AKAP6: variants seen among roughly 807,000 people sequenced by gnomAD.
AKAP6 encodes the protein A-kinase anchor protein 6.
AKAP6 carries 58 observed loss-of-function variants against 188.5 expected under a neutral mutation model. The observed-to-expected ratio is 0.31, with a 90% CI of 0.25 to 0.38. The LOEUF is 0.38. AKAP6 is among the 10% of genes least tolerant of loss of function. The pLI, the probability that AKAP6 is intolerant of heterozygous loss-of-function variation, is 1.00. For missense variants in AKAP6, 2,710 were observed against 2,740.0 expected (o/e 0.99, Z 0.24); for synonymous variants, 989 against 998.6 (o/e 0.99, Z 0.18).
At chr14:32,825,712 A>G (rs2034656336) in intron 13 of AKAP6, among the ~76,000 whole-genome samples, 1 of 152,190 alleles carries the variant, frequency 6.6e-6, no homozygotes, top group South Asian at 2.1e-4. Flanking sequence ...AGAAAATTTG[A>G]GCTTTCAAAT....
At chr14:32,338,738 C>G (rs1382850988) in intron 1 of AKAP6, among the ~76,000 whole-genome samples, 2 of 152,056 alleles carry the variant, frequency 1.3e-5, no homozygotes, top group African/African-American at 4.8e-5. Flanking sequence ...GTTCTTAGAG[C>G]CTCATTTTTC....
At chr14:32,738,857 C>T (rs2300836) in intron 11 of AKAP6, among the ~76,000 whole-genome samples, 57,121 of 151,978 alleles carry the variant, frequency 0.38, 10,924 homozygotes, top group Middle Eastern at 0.43. Context: ...AGTGCAAAAG[C>T]AGCCACAGAC....
chr14:32,518,262 A>T (rs1468455681), intron 2 of AKAP6, among the ~76,000 whole-genome samples: 1 of 152,214 alleles, frequency 6.6e-6, no homozygotes, highest in Admixed American at 6.5e-5. Context: ...AGAAAAGCTG[A>T]AAATTCTAAA....
chr14:32,672,344 C>A (rs906780666), intron 7 of AKAP6, among the ~76,000 whole-genome samples: 1 of 152,188 alleles, frequency 6.6e-6, no homozygotes, highest in Non-Finnish European at 1.5e-5. Context: ...GCTGCCATAA[C>A]AAAATACCAC....
At position 32,546,393 on chromosome 14, in the gene AKAP6, G is replaced by T; in HGVS notation, c.1740G>T (p.Gln580His). The T allele has an allele frequency of 6.2e-7, 1 of 1,614,178 alleles. No individual in the cohort carries two copies. Among genetic ancestry groups the T allele is most frequent in the East Asian group, 2.2e-5 (1 of 44,882 alleles). ...SETSSSPAFT[Q>H]SSESSVGSDN... ...CATCCAGTTCACCAGCTTTTACTCA[G>T]AGCAGTGAATCCTCTGTTGGCTCAG... The change falls in exon 4 of 14, where the codon CAG becomes CAT. Residue 580 changes from glutamine to histidine, a missense_variant. Coordinates refer to ENST00000280979, the MANE Select transcript of AKAP6 (RefSeq NM_004274.5).
At chr14:32,475,805 GT>G (rs1223303942) in intron 2 of AKAP6, among the ~76,000 whole-genome samples, 3 of 150,690 alleles carry the variant, frequency 2.0e-5, no homozygotes, top group African/African-American at 7.3e-5. Context: ...AGCCTCCCAA[GT>G]AGCTGGGACT....
intron 7 of AKAP6, among the ~76,000 whole-genome samples, chr14:32,601,356 A>G (rs1885921344): frequency 6.6e-6 from 1 of 152,176 alleles, no homozygotes; most frequent in Admixed American, 6.6e-5. Context: ...CCATAATGGT[A>G]CAAGCACCGA....
At chr14:32,812,281 T>C (rs1418483129) in intron 12 of AKAP6, among the ~76,000 whole-genome samples, 2 of 152,254 alleles carry the variant, frequency 1.3e-5, no homozygotes, top group African/African-American at 4.8e-5. Flanking sequence ...TACAACTTCA[T>C]TGATGTTATT....
intron 8 of AKAP6, among the ~76,000 whole-genome samples, chr14:32,695,734 G>A (rs1271782443): frequency 2.0e-5 from 3 of 152,128 alleles, no homozygotes; most frequent in African/African-American, 7.2e-5. Context: ...GAAAGGGTTA[G>A]CAAATGGAAA....
rs149559810 is a variant in AKAP6, at chr14:32,640,559, G to A, written c.2731-37752G>A. On this transcript the variant is annotated intron_variant, in intron 7 of 13. Transcript: ENST00000280979. ...ATGTCTATGTAAATAAAATGCAAAT[G>A]TAAACACCTGTTGTAATCAATTCTT... Among the ~76,000 whole-genome samples, 784 of 152,204 alleles carry A rather than the reference G, an allele frequency of 5.2e-3. 10 individuals are homozygous for A. The highest frequency in any genetic ancestry group is 0.017 in the African/African-American group (722 of 41,546).
Position 32,545,714 on chromosome 14 carries a change from A to G in AKAP6, c.1061A>G (p.His354Arg), listed in dbSNP as rs1276437871. 6.2e-6 allele frequency: 10 copies of G among 1,614,080 alleles called. No homozygotes were observed. Among genetic ancestry groups the G allele is most frequent in the Non-Finnish European group, 8.5e-6 (10 of 1,180,038 alleles). Residue 354 changes from histidine (H) to arginine (R), a missense_variant, in exon 4 of 14, where the codon CAT (histidine) becomes CGT (arginine). Around this residue, in one of 2 missense-constraint regions of AKAP6, gnomAD observed 2,473 missense variants for 2,426.1 expected, o/e 1.02. Transcript: ENST00000280979. ...CAAGAATCCAGTTCCTCCTCCCATC[A>G]TGATGCAAAGAATCAGCAGCCTGTT... ...VQQESSSSSH[H>R]DAKNQQPVPC...
At chr14:32,395,718 TC>T (rs1445101063) in intron 1 of AKAP6, among the ~76,000 whole-genome samples, 1 of 152,224 alleles carries the variant, frequency 6.6e-6, no homozygotes, top group African/African-American at 2.4e-5. Context: ...CCCCTATTTA[TC>T]CCTCAAAACT....
chr14:32,347,789 T>C (rs1327140534), intron 1 of AKAP6, among the ~76,000 whole-genome samples: 1 of 152,194 alleles, frequency 6.6e-6, no homozygotes, highest in East Asian at 1.9e-4. Context: ...AAGCCTAAAG[T>C]TTAATTAATA....
intron 2 of AKAP6, among the ~76,000 whole-genome samples, chr14:32,465,045 C>T (rs929891796): frequency 6.6e-6 from 1 of 152,068 alleles, no homozygotes; most frequent in African/African-American, 2.4e-5. Flanking sequence ...ATGCGAAGGA[C>T]CTCTTCAAGG....
At chr14:32,380,648 T>G (rs1160550549) in intron 1 of AKAP6, among the ~76,000 whole-genome samples, 2 of 152,160 alleles carry the variant, frequency 1.3e-5, no homozygotes, top group African/African-American at 4.8e-5. Flanking sequence ...CTGCCTCTCA[T>G]AAGGGAAAGC....
In AKAP6 at chr14:32,545,587, G is replaced by T. The variant is rs181047497; in HGVS notation, c.934G>T (p.Ala312Ser). ...CAAAGGTGGATGTGAGGAAGACAAT[G>T]CTTCTGCAGTCGAAGAGCAACCAGG... ...DDKGGCEEDN[A>S]SAVEEQPGLT... Residue 312 changes from alanine to serine, a missense_variant, in exon 4 of 14, where the codon GCT becomes TCT. Physicochemically the swap from Ala to Ser is moderately conservative, Grantham distance 99. Around this residue, in one of 2 missense-constraint regions of AKAP6, gnomAD observed 2,473 missense variants for 2,426.1 expected, o/e 1.02. Coordinates refer to ENST00000280979, the MANE Select transcript of AKAP6 (RefSeq NM_004274.5). 29 of 1,614,206 alleles carry T rather than the reference G, an allele frequency of 1.8e-5. No individual in the cohort carries two copies. The Admixed American group carries it at 3.8e-4, about 21-fold the overall frequency.
chr14:32,752,753 T>G (rs1015535508), intron 11 of AKAP6, among the ~76,000 whole-genome samples: 1 of 152,204 alleles, frequency 6.6e-6, no homozygotes. Context: ...TTTATTAAAA[T>G]TTTACATATA....
In AKAP6 at chr14:32,748,368, A is replaced by C. The variant is rs1261791522; in HGVS notation, c.3372+12486A>C. Among the ~76,000 whole-genome samples the C allele has an allele frequency of 2.0e-5, 3 of 152,208 alleles. No homozygotes were observed. The East Asian group carries it at 5.8e-4, about 29-fold the overall frequency. On this transcript the variant is annotated intron_variant, in intron 11 of 13. Coordinates refer to ENST00000280979, the MANE Select transcript of AKAP6 (RefSeq NM_004274.5). ...CAGGGATAATGATATTACTTACCTT[A>C]AGAAGTGGTTGTGAGTGTTAAATGA...
At chr14:32,671,624 G>C (rs749266431) in intron 7 of AKAP6, among the ~76,000 whole-genome samples, 2 of 151,956 alleles carry the variant, frequency 1.3e-5, no homozygotes, top group Non-Finnish European at 2.9e-5. Context: ...TCTTTGTGTA[G>C]GTCAGGGAAG....
Sources: gnomAD v4.1 joint callset for allele counts (sites outside exome capture counted in the v4.1 genomes callset) on GRCh38, gnomAD v4.1.1 for gene constraint, gnomAD v4.1.1 regional missense constraint, MANE v1.5 for transcripts, NCBI Gene and HGNC (gene_info 2026-07-23, HGNC 2026-07-21) for gene names.